TBC1D19: variants seen among roughly 807,000 people sequenced by gnomAD.
The protein encoded by TBC1D19 is TBC1 domain family member 19.
A neutral mutation model predicts 89.0 loss-of-function variants in TBC1D19; 60 were observed. That is an observed-to-expected ratio of 0.67 (90% CI 0.55 to 0.84). The LOEUF (loss-of-function observed/expected upper bound fraction) is 0.84, where lower values mean the gene tolerates loss of function less well. Ranked by LOEUF, TBC1D19 falls within the 40% of genes least tolerant of loss-of-function variation. The probability of loss-of-function intolerance (pLI) is 0.00; values close to 1 mark genes in which losing one functional copy is unlikely to be tolerated. For synonymous variants in TBC1D19, 189 were observed against 199.7 expected (o/e 0.95, Z 0.45); for missense variants, 500 against 610.8 (o/e 0.82, Z 1.91).
At chr4:26,740,613 C>T in intron 17 of TBC1D19, 1 of 977,550 alleles carries the variant, frequency 1.0e-6, no homozygotes, top group Non-Finnish European at 1.2e-6. Context: ...TTTGGCTGTT[C>T]CTTTATCATA....
chr4:26,718,993 T>G (rs1275778713), intron 14 of TBC1D19, among the ~76,000 whole-genome samples: 1 of 152,020 alleles, frequency 6.6e-6, no homozygotes, highest in Non-Finnish European at 1.5e-5. Context: ...CTTTCCAACC[T>G]TAAAAATCAT....
At chr4:26,849,572 C>T in the TBC1D19 span, among the ~76,000 whole-genome samples, 1 of 152,180 alleles carries the variant, frequency 6.6e-6, no homozygotes, top group African/African-American at 2.4e-5. Flanking sequence ...GTTAATCTGT[C>T]TCCATCATTA....
Position 26,584,242 on chromosome 4 carries a change from C to G in TBC1D19, c.49C>G (p.Gln17Glu). The G allele has an allele frequency of 6.2e-7, 1 of 1,612,918 alleles. No individual in the cohort carries two copies. The highest frequency in any genetic ancestry group is 1.1e-5 in the South Asian group (1 of 90,464). The change falls in exon 1 of 21, where the codon CAA becomes GAA. Residue 17 changes from glutamine (Q) to glutamate (E), a missense_variant. Physicochemically the swap from Gln to Glu is conservative, Grantham distance 29 (BLOSUM62 2). Coordinates refer to ENST00000264866, the MANE Select transcript of TBC1D19 (RefSeq NM_018317.4). ...CTCTCTCATTATTGCCCAGATAGTC[C>G]AAAAGCTCAAGGGCTCCAATTTGTA... Reference protein sequence around the residue: ...DLSLIIAQIVQKLKGSNLYSQ... With the variant: ...DLSLIIAQIVEKLKGSNLYSQ...
intron 1 of TBC1D19, among the ~76,000 whole-genome samples, chr4:26,587,841 G>T (rs1012634336): frequency 3.3e-5 from 5 of 151,644 alleles, no homozygotes; most frequent in African/African-American, 7.3e-5. Flanking sequence ...GGCCATTCAG[G>T]TTATCTATTT....
the TBC1D19 span, among the ~76,000 whole-genome samples, chr4:26,853,543 T>C: frequency 1.8e-4 from 28 of 152,244 alleles, no homozygotes; most frequent in East Asian, 3.5e-3. Flanking sequence ...ACTTTTTTTT[T>C]TTGTTTGTTT....
intron 15 of TBC1D19, among the ~76,000 whole-genome samples, chr4:26,727,764 C>G (rs1003211087): frequency 6.6e-6 from 1 of 152,112 alleles, no homozygotes; most frequent in Non-Finnish European, 1.5e-5. Context: ...TGTTCTATAT[C>G]TTACTTATTT....
downstream of TBC1D19, among the ~76,000 whole-genome samples, chr4:26,757,486 T>C (rs1172831656): frequency 6.6e-6 from 1 of 152,224 alleles, no homozygotes; most frequent in Non-Finnish European, 1.5e-5. Context: ...TGTAGCCTAA[T>C]AGGCAAATTG....
chr4:26,844,358 G>A, the TBC1D19 span, among the ~76,000 whole-genome samples: 11 of 152,156 alleles, frequency 7.2e-5, no homozygotes, highest in African/African-American at 1.7e-4. Flanking sequence ...ATTTTAGATC[G>A]TCAAATAAAA....
At chr4:26,776,049 A>G in the TBC1D19 span, among the ~76,000 whole-genome samples, 2 of 152,280 alleles carry the variant, frequency 1.3e-5, no homozygotes, top group South Asian at 4.1e-4. Flanking sequence ...ATCAGGTATG[A>G]CAAGATGTTC....
chr4:26,579,526 A>G (rs1739029802), upstream of TBC1D19, among the ~76,000 whole-genome samples: 1 of 147,438 alleles, frequency 6.8e-6, no homozygotes, highest in Non-Finnish European at 1.5e-5. Context: ...AAGTTCCGGG[A>G]TACCTGTGCA....
At chr4:26,647,094 G>A (rs1744023076) in intron 7 of TBC1D19, among the ~76,000 whole-genome samples, 1 of 152,120 alleles carries the variant, frequency 6.6e-6, no homozygotes, top group Non-Finnish European at 1.5e-5. Context: ...CACTGGAAAT[G>A]GAAACAATTT....
the TBC1D19 span, among the ~76,000 whole-genome samples, chr4:26,848,822 T>C: frequency 6.6e-6 from 1 of 152,220 alleles, no homozygotes; most frequent in Non-Finnish European, 1.5e-5. Flanking sequence ...GCTTATTATA[T>C]AGAAATAGGC....
At chr4:26,590,381 G>A (rs1739691096) in intron 1 of TBC1D19, among the ~76,000 whole-genome samples, 1 of 152,150 alleles carries the variant, frequency 6.6e-6, no homozygotes, top group Admixed American at 6.5e-5. Flanking sequence ...ATAATGTCGT[G>A]AGAATGATTG....
At chr4:26,802,877 G>A in the TBC1D19 span, among the ~76,000 whole-genome samples, 14 of 152,346 alleles carry the variant, frequency 9.2e-5, no homozygotes, top group African/African-American at 2.6e-4. Context: ...CCAAGATCAA[G>A]GTGCCAGCTG....
the TBC1D19 span, among the ~76,000 whole-genome samples, chr4:26,857,523 GCCCGCCGCGCCCGC>G: frequency 6.6e-6 from 1 of 152,222 alleles, no homozygotes; most frequent in African/African-American, 2.4e-5. Flanking sequence ...CCCACTGACA[GCCCGCCGCGCCCGC>G]CCACGCGGTG....
chr4:26,787,731 G>A, the TBC1D19 span, among the ~76,000 whole-genome samples: 1 of 152,166 alleles, frequency 6.6e-6, no homozygotes, highest in Non-Finnish European at 1.5e-5. Context: ...AGGTTCAGAA[G>A]GAAGTAGGAA....
At chr4:26,742,313 A>T (rs1718419648) in intron 17 of TBC1D19, among the ~76,000 whole-genome samples, 195 bp from the exon 18 acceptor site, 3 of 152,222 alleles carry the variant, frequency 2.0e-5, no homozygotes. Flanking sequence ...GTGTGAGTAT[A>T]TATAAAGAGG....
At chr4:26,798,988 G>T in the TBC1D19 span, among the ~76,000 whole-genome samples, 1 of 152,042 alleles carries the variant, frequency 6.6e-6, no homozygotes, top group Non-Finnish European at 1.5e-5. Context: ...TATGCAATAT[G>T]CCAGCTAACA....
intron 12 of TBC1D19, among the ~76,000 whole-genome samples, chr4:26,684,050 GC>G (rs774630822): frequency 8.6e-5 from 13 of 151,970 alleles, no homozygotes; most frequent in Non-Finnish European, 1.5e-4. Context: ...AAGTAAAAAG[GC>G]AACTGAAAAG....
Sources: gnomAD v4.1 joint callset for allele counts (sites outside exome capture counted in the v4.1 genomes callset) on GRCh38, gnomAD v4.1.1 for gene constraint, MANE v1.5 for transcripts, NCBI Gene and HGNC (gene_info 2026-07-23, HGNC 2026-07-21) for gene names.